Variants in RNF150 observed in about 807,000 individuals in gnomAD.
RNF150 encodes the protein ring finger protein 150.
Under a neutral mutation model 39.3 loss-of-function variants are expected in RNF150, and 24 were observed. That is an observed-to-expected ratio of 0.61 (90% CI 0.44 to 0.86). RNF150 has a LOEUF of 0.86. Among genes scored for constraint, RNF150 ranks in the 40% least tolerant of loss-of-function variants. The probability of loss-of-function intolerance (pLI) is 0.00; values close to 1 mark genes in which losing one functional copy is unlikely to be tolerated. For missense variants in RNF150, 502 were observed against 587.8 expected, an observed-to-expected ratio of 0.85 and a Z score of 1.51; for synonymous variants, 255 against 227.3, an observed-to-expected ratio of 1.12 and a Z score of -1.10.
Position 141,008,309 on chromosome 4 carries a change from CT to C in RNF150, c.485-40437del, listed in dbSNP as rs552910797. Among the ~76,000 whole-genome samples, 615 of 152,178 alleles carry C rather than the reference CT, an allele frequency of 4.0e-3. 1 individual carries two copies. The highest frequency in any genetic ancestry group is 6.2e-3 in the Non-Finnish European group (425 of 68,002). On this transcript the variant is annotated intron_variant, in intron 1 of 6. Transcript: ENST00000515673. ...GCTTTCTTACTAATTTGTATCCATT[CT>C]TTAATCTGTATATGTCTTTTATTGG...
chr4:141,156,103 G>A (rs1727392685), intron 1 of RNF150, among the ~76,000 whole-genome samples: 1 of 151,014 alleles, frequency 6.6e-6, no homozygotes, highest in Non-Finnish European at 1.5e-5. Context: ...GAAGGAGGAG[G>A]AAAAAGGAGG....
At chr4:141,033,152 G>A (rs1161880336) in intron 1 of RNF150, among the ~76,000 whole-genome samples, 2 of 152,182 alleles carry the variant, frequency 1.3e-5, no homozygotes, top group Non-Finnish European at 2.9e-5. Context: ...CAAAATTGGA[G>A]TTAATCCTCT....
rs747255021 is a variant in RNF150 at position 141,183,945 on chromosome 4, G to A, written c.-6+28849C>T. Reference sequence around the variant, plus strand: ...GGGTTGGTTCCAAGTCTTTGTTATTGTAAATAGTGCTGCAATAAACATACG... The same window carrying A: ...GGGTTGGTTCCAAGTCTTTGTTATTATAAATAGTGCTGCAATAAACATACG... On this transcript the variant is annotated intron_variant, in intron 1 of 7. Coordinates refer to the RNF150 transcript ENST00000420921. Among the ~76,000 whole-genome samples the A allele has an allele frequency of 1.4e-4, 21 of 152,058 alleles. 1 individual carries two copies. The highest frequency in any genetic ancestry group is 2.4e-4 in the Non-Finnish European group (16 of 68,020).
At chr4:140,935,820 T>G (rs1381730409) in intron 4 of RNF150, among the ~76,000 whole-genome samples, 2 of 152,164 alleles carry the variant, frequency 1.3e-5, no homozygotes, top group African/African-American at 4.8e-5. Flanking sequence ...TACCACAAAA[T>G]GCATAAACCT....
intron 1 of RNF150, among the ~76,000 whole-genome samples, chr4:141,101,107 G>A (rs1360993882): frequency 6.6e-6 from 1 of 151,994 alleles, no homozygotes; most frequent in Non-Finnish European, 1.5e-5. Flanking sequence ...ATATACTCAG[G>A]CTACACTAAA....
intron 2 of RNF150, among the ~76,000 whole-genome samples, chr4:140,964,698 TTATCC>T (rs905438571): frequency 6.6e-6 from 1 of 152,054 alleles, no homozygotes; most frequent in African/African-American, 2.4e-5. Context: ...TTCCCCTAAA[TTATCC>T]TATAAGTTTA....
At chr4:141,087,395 G>A (rs1738407867) in intron 1 of RNF150, among the ~76,000 whole-genome samples, 1 of 151,892 alleles carries the variant, frequency 6.6e-6, no homozygotes, top group African/African-American at 2.4e-5. Context: ...CTACTCCTTT[G>A]TACCTCCTCC....
At position 141,178,561 on chromosome 4, in the gene RNF150, C is replaced by CTGA. The variant is rs1332458129; in HGVS notation, c.-6+34232_-6+34233insTCA. Among the ~76,000 whole-genome samples, 3 of 152,028 alleles carry CTGA rather than the reference C, an allele frequency of 2.0e-5. No individual in the cohort carries two copies. The East Asian group carries it at 5.8e-4, about 29-fold the overall frequency. ...AAGAGTGGGTTCCACTTCTCAATTGCTAAAAATTATCAGCTAAGATTCCCA... is the reference window on the plus strand; with the variant it reads ...AAGAGTGGGTTCCACTTCTCAATTGCTGATAAAAATTATCAGCTAAGATTCCCA... On this transcript the variant is annotated intron_variant, in intron 1 of 7. Coordinates refer to the RNF150 transcript ENST00000420921.
intron 2 of RNF150, among the ~76,000 whole-genome samples, chr4:140,959,412 G>C (rs1204858846): frequency 2.6e-5 from 4 of 152,032 alleles, no homozygotes; most frequent in African/African-American, 9.7e-5. Context: ...GCTCTGAGTA[G>C]AGCCGCATCC....
chr4:140,967,777 G>A lies in RNF150; in HGVS notation c.581C>T (p.Thr194Ile), dbSNP rs1733305579. 1 of 1,613,434 alleles carries A rather than the reference G, an allele frequency of 6.2e-7. No individual in the cohort carries two copies. The highest frequency in any genetic ancestry group is 1.1e-5 in the South Asian group (1 of 91,054). Residue 194 changes from threonine (T) to isoleucine (I), a missense_variant, in exon 2 of 7, where the codon ACC becomes ATC. Physicochemically the swap from Thr to Ile is moderately conservative, Grantham distance 89. Transcript: ENST00000515673. ...ERNITVTMYITIGTRNLQKYV... is the reference protein window; with the variant it reads ...ERNITVTMYIIIGTRNLQKYV... The stretch of plus-strand genomic sequence containing the variant: ...TTTCTGCAAGTTCCGGGTTCCGATG[G>A]TGATGTACATTGTCACGGTGATGTT...
chr4:140,977,754 A>G (rs1466146503), intron 1 of RNF150, among the ~76,000 whole-genome samples: 1 of 152,182 alleles, frequency 6.6e-6, no homozygotes, highest in Non-Finnish European at 1.5e-5. Flanking sequence ...TCACATTCGA[A>G]TTCGCCATTA....
intron 1 of RNF150, among the ~76,000 whole-genome samples, chr4:141,163,689 T>A (rs542636732): frequency 6.6e-6 from 1 of 152,216 alleles, no homozygotes; most frequent in African/African-American, 2.4e-5. Flanking sequence ...TCCAGCAAAC[T>A]CCAGCAGACC....
At chr4:141,208,215 C>G (rs1261859426) in intron 1 of RNF150, among the ~76,000 whole-genome samples, 1 of 152,228 alleles carries the variant, frequency 6.6e-6, no homozygotes, top group Non-Finnish European at 1.5e-5. Context: ...CTGCCTCTCA[C>G]TGGTGGAAGC....
At chr4:141,184,993 G>T (rs1334690971) in intron 1 of RNF150, among the ~76,000 whole-genome samples, 3 of 135,754 alleles carry the variant, frequency 2.2e-5, no homozygotes, top group African/African-American at 5.3e-5. Flanking sequence ...GCTTCAGATT[G>T]TCTTGGCTAT....
At chr4:140,938,212 C>T (rs576356239) in intron 4 of RNF150, among the ~76,000 whole-genome samples, 1 of 152,202 alleles carries the variant, frequency 6.6e-6, no homozygotes, top group African/African-American at 2.4e-5. Flanking sequence ...TGTTAAGGGG[C>T]TAGTGTCTTT....
At chr4:141,143,656 C>T (rs1212281221) in intron 1 of RNF150, among the ~76,000 whole-genome samples, 1 of 152,228 alleles carries the variant, frequency 6.6e-6, no homozygotes, top group South Asian at 2.1e-4. Context: ...CTTTTCCGGT[C>T]TGCCCCTGCC....
chr4:141,078,828 T>TAC (rs1225171740), intron 1 of RNF150, among the ~76,000 whole-genome samples: 3 of 130,846 alleles, frequency 2.3e-5, no homozygotes, highest in African/African-American at 6.0e-5. Flanking sequence ...TATATATATA[T>TAC]ATATACACAC....
intron 1 of RNF150, among the ~76,000 whole-genome samples, chr4:141,044,551 A>C (rs1736492748): frequency 6.6e-6 from 1 of 152,234 alleles, no homozygotes; most frequent in South Asian, 2.1e-4. Flanking sequence ...ACATAACATT[A>C]TTATTTTAGA....
intron 1 of RNF150, among the ~76,000 whole-genome samples, chr4:141,124,692 G>T (rs1726705184): frequency 6.6e-6 from 1 of 152,068 alleles, no homozygotes; most frequent in African/African-American, 2.4e-5. Flanking sequence ...TCCAATCTTT[G>T]CATTTTCAAT....
Sources: gnomAD v4.1 joint callset for allele counts (sites outside exome capture counted in the v4.1 genomes callset) on GRCh38, gnomAD v4.1.1 for gene constraint, MANE v1.5 for transcripts, NCBI Gene and HGNC (gene_info 2026-07-23, HGNC 2026-07-21) for gene names.